LRRC4B: variants seen among roughly 807,000 people sequenced by gnomAD.
LRRC4B encodes leucine-rich repeat-containing protein 4B.
LRRC4B carries 1 observed loss-of-function variant against 7.3 expected under a neutral mutation model. The ratio of observed to expected loss-of-function variants is 0.14; its 90% CI spans 0.05 to 0.65. The LOEUF (loss-of-function observed/expected upper bound fraction) is 0.65. Ranked by LOEUF, LRRC4B falls within the 30% of genes least tolerant of loss-of-function variation. LRRC4B has a pLI of 0.84. For missense variants in LRRC4B, 730 were observed against 1,041.6 expected (o/e 0.70, Z 4.12); for synonymous variants, 500 against 499.2 (o/e 1.00, Z -0.02).
At chr19:50,547,087 C>T (rs941256404) in intron 2 of LRRC4B, among the ~76,000 whole-genome samples, 2 of 152,136 alleles carry the variant, frequency 1.3e-5, no homozygotes, top group Admixed American at 6.5e-5. Flanking sequence ...GCATGGGGAC[C>T]GCACAGTGCG....
At chr19:50,524,674 A>C (rs997454118) in intron 2 of LRRC4B, among the ~76,000 whole-genome samples, 23 of 152,360 alleles carry the variant, frequency 1.5e-4, no homozygotes, top group Non-Finnish European at 4.4e-5. Flanking sequence ...AAATACTCTC[A>C]TTTGAACCTG....
At chr19:50,544,302 C>A (rs77002920) in intron 2 of LRRC4B, among the ~76,000 whole-genome samples, 1,802 of 151,858 alleles carry the variant, frequency 0.012, 39 homozygotes, top group African/African-American at 0.041. Context: ...GTCAGGAGAT[C>A]AAGACCATCC....
At chr19:50,520,406 G>A (rs1394272561) in intron 2 of LRRC4B, among the ~76,000 whole-genome samples, 3 of 151,706 alleles carry the variant, frequency 2.0e-5, no homozygotes, top group Non-Finnish European at 4.4e-5. Context: ...GCAGTGGGTG[G>A]ATCACCTGAG....
intron 2 of LRRC4B, among the ~76,000 whole-genome samples, chr19:50,520,976 G>A (rs765474505): frequency 6.6e-6 from 1 of 152,130 alleles, no homozygotes; most frequent in African/African-American, 2.4e-5. Context: ...GACTGCCTAA[G>A]CTGGAGACAT....
chr19:50,518,555 G>C lies in LRRC4B; in HGVS notation c.1158C>G (p.Arg386=). 6.3e-7 allele frequency: 1 copy of C among 1,588,792 alleles called. No homozygotes were observed. Among genetic ancestry groups the C allele is most frequent in the South Asian group, 1.1e-5 (1 of 87,106 alleles). Residue 386 remains arginine (R), a synonymous_variant, in exon 3 of 3, where the codon CGC becomes CGG. Coordinates refer to ENST00000652263, the MANE Select transcript of LRRC4B (RefSeq NM_001080457.2). ...TGACGGAGGTCATGGAGGTGCCCGT[G>C]CGGCATTTGAGCTCGGCAGCCATGC... ...TEGMAAELKC[R]TGTSMTSVNW... is the part of the protein sequence containing the mutation.
chr19:50,543,672 T>G (rs1451188882), intron 2 of LRRC4B, among the ~76,000 whole-genome samples: 1 of 150,234 alleles, frequency 6.7e-6, no homozygotes, highest in African/African-American at 2.5e-5. Flanking sequence ...GTCAATATGG[T>G]GAAACCCCGT....
At chr19:50,559,991 T>C (rs1035612547) in intron 1 of LRRC4B, among the ~76,000 whole-genome samples, 2 of 152,120 alleles carry the variant, frequency 1.3e-5, no homozygotes, top group Non-Finnish European at 2.9e-5. Flanking sequence ...AAAAATTAGC[T>C]GGGCGTGGAG....
chr19:50,551,231 G>GC (rs922332353), intron 1 of LRRC4B, among the ~76,000 whole-genome samples: 46 of 150,746 alleles, frequency 3.1e-4, no homozygotes, highest in Admixed American at 8.6e-4. Context: ...CTGCGCCCAG[G>GC]CCCCCCCCTC....
At chr19:50,520,074 C>T (rs924229490) in intron 2 of LRRC4B, among the ~76,000 whole-genome samples, 6 of 150,086 alleles carry the variant, frequency 4.0e-5, no homozygotes, top group Admixed American at 3.3e-4. Flanking sequence ...GGCGTGGTGG[C>T]ATGTGCCTGT....
chr19:50,559,449 A>G (rs778303536), intron 1 of LRRC4B, among the ~76,000 whole-genome samples: 3 of 152,184 alleles, frequency 2.0e-5, no homozygotes, highest in Non-Finnish European at 2.9e-5. Context: ...AAGGAAAGAA[A>G]AAAAACTGAA....
chr19:50,544,447 C>T (rs986171803), intron 2 of LRRC4B, among the ~76,000 whole-genome samples: 3 of 151,058 alleles, frequency 2.0e-5, no homozygotes, highest in African/African-American at 2.4e-5. Flanking sequence ...GCGGAGCTTG[C>T]AGTGAGCCGA....
At chr19:50,529,534 G>A (rs953919696) in intron 2 of LRRC4B, among the ~76,000 whole-genome samples, 1 of 152,212 alleles carries the variant, frequency 6.6e-6, no homozygotes, top group African/African-American at 2.4e-5. Context: ...GCCGGACACG[G>A]TGGCTCATGC....
intron 2 of LRRC4B, among the ~76,000 whole-genome samples, chr19:50,527,105 T>G (rs887904459): frequency 2.2e-4 from 33 of 151,758 alleles, no homozygotes; most frequent in African/African-American, 7.7e-4. Context: ...CAATCCCGGC[T>G]TACTGCAAGC....
chr19:50,552,571 CCCATCCGT>C (rs1162047305), intron 1 of LRRC4B, among the ~76,000 whole-genome samples: 2 of 142,502 alleles, frequency 1.4e-5, no homozygotes, highest in Middle Eastern at 7.5e-3. Flanking sequence ...CATCCGTCCA[CCCATCCGT>C]CCATCCATCT....
At chr19:50,534,926 T>G (rs1981197596) in intron 2 of LRRC4B, among the ~76,000 whole-genome samples, 2 of 152,338 alleles carry the variant, frequency 1.3e-5, no homozygotes, top group South Asian at 4.1e-4. Context: ...CAGGCTGGAG[T>G]GCAGCGATCT....
chr19:50,536,275 A>C (rs969297773), intron 2 of LRRC4B, among the ~76,000 whole-genome samples: 1 of 152,066 alleles, frequency 6.6e-6, no homozygotes, highest in Non-Finnish European at 1.5e-5. Flanking sequence ...CTGGGATTAC[A>C]GTAACACATC....
intron 1 of LRRC4B, among the ~76,000 whole-genome samples, chr19:50,558,257 A>T (rs1466026135): frequency 6.6e-6 from 1 of 151,906 alleles, no homozygotes; most frequent in Non-Finnish European, 1.5e-5. Context: ...ATACACACAC[A>T]CACATCACAC....
At chr19:50,542,195 G>C (rs1408333678) in intron 2 of LRRC4B, among the ~76,000 whole-genome samples, 1 of 152,194 alleles carries the variant, frequency 6.6e-6, no homozygotes, top group Non-Finnish European at 1.5e-5. Context: ...AAGGAGGAAG[G>C]AGCCAGTCCG....
In LRRC4B at chr19:50,518,258, G is replaced by A. The variant is rs200339148; in HGVS notation, c.1455C>T (p.Thr485=). 3.4e-5 allele frequency: 54 copies of A among 1,602,936 alleles called. No homozygotes were observed. The African/African-American group carries it at 5.5e-4, about 16-fold the overall frequency. ...TCTCCACGGTCACCGTGGTGAAGTA[G>A]GTGTAGCCGCCACTGCCCCCTCCAA... ...GGVGGGSGGY[T]YFTTVTVETL... Residue 485 remains threonine, a synonymous_variant, in exon 3 of 3, where the codon ACC becomes ACT. Coordinates refer to ENST00000652263, the MANE Select transcript of LRRC4B (RefSeq NM_001080457.2).
Sources: gnomAD v4.1 joint callset for allele counts (sites outside exome capture counted in the v4.1 genomes callset) on GRCh38, gnomAD v4.1.1 for gene constraint, MANE v1.5 for transcripts, NCBI Gene and HGNC (gene_info 2026-07-23, HGNC 2026-07-21) for gene names.